The following EEF2K variants were observed in gnomAD, a reference collection of about 807,000 sequenced individuals.
EEF2K encodes the protein alternative protein EEF2K.
A neutral mutation model predicts 93.8 loss-of-function variants in EEF2K; 70 were observed. The ratio of observed to expected loss-of-function variants is 0.75; its 90% confidence interval spans 0.62 to 0.91. EEF2K has a LOEUF of 0.91. EEF2K is among the 40% of genes least tolerant of loss of function. EEF2K has a pLI of 0.00. For missense variants in EEF2K, 935 were observed against 972.9 expected (o/e 0.96, Z 0.52); for synonymous variants, 376 against 380.8 (o/e 0.99, Z 0.15).
At chr16:22,220,737 G>T (rs541040727) in intron 1 of EEF2K, among the ~76,000 whole-genome samples, 1 of 152,172 alleles carries the variant, frequency 6.6e-6, no homozygotes, top group Non-Finnish European at 1.5e-5. Flanking sequence ...GAGCCATCAC[G>T]CCTGGCCCTG....
intron 1 of EEF2K, among the ~76,000 whole-genome samples, chr16:22,215,745 T>C (rs2046951936): frequency 6.6e-6 from 1 of 152,030 alleles, no homozygotes. Context: ...ACCAACATGG[T>C]GAAACCCCGT....
chr16:22,258,496 A>G lies in EEF2K; in HGVS notation c.1032A>G (p.Gln344=), dbSNP rs775206083. 5 of 1,613,862 alleles carry G rather than the reference A, an allele frequency of 3.1e-6. No homozygotes were observed. Among genetic ancestry groups the G allele is most frequent in the Non-Finnish European group, 4.2e-6 (5 of 1,179,994 alleles). Reference sequence around the variant, plus strand: ...AGTATCCCTATTAATGTCCCTAGCAATCAGCCAAGACCATCTTGAGAGGAA... The same window carrying G: ...AGTATCCCTATTAATGTCCCTAGCAGTCAGCCAAGACCATCTTGAGAGGAA... ...DAVNQNTKLL[Q]SAKTILRGTE... is the part of the protein sequence containing the mutation. Residue 344 remains glutamine, a splice_region_variant and synonymous_variant, in exon 10 of 18, where the codon CAA becomes CAG. Transcript: ENST00000263026.
rs775469411 is a variant in EEF2K at position 22,263,122 on chromosome 16, AGTG to A, written c.1314_1316del (p.Ser438_Gly439delinsArg). On this transcript the variant is annotated inframe_deletion, in exon 12 of 18. Coordinates refer to ENST00000263026, the MANE Select transcript of EEF2K (RefSeq NM_013302.5). ...CTTCTCTCCACAGGAGTCTGAGAAT[AGTG>A]GGGACAGCGGATACCCCAGTGAGAA... The A allele has an allele frequency of 6.2e-7, 1 of 1,612,118 alleles. No homozygotes were observed. Among genetic ancestry groups the A allele is most frequent in the Admixed American group, 1.7e-5 (1 of 59,838 alleles).
chr16:22,220,373 G>C (rs1052847282), intron 1 of EEF2K, among the ~76,000 whole-genome samples: 5 of 152,166 alleles, frequency 3.3e-5, no homozygotes, highest in African/African-American at 9.7e-5. Flanking sequence ...TGAGGGAGTC[G>C]GCTCCGTGAA....
At chr16:22,257,980 G>A (rs949911211) in intron 9 of EEF2K, among the ~76,000 whole-genome samples, 1 of 152,188 alleles carries the variant, frequency 6.6e-6, no homozygotes, top group African/African-American at 2.4e-5. Context: ...TCGAGCAGCT[G>A]GTATCTGCTT....
intron 1 of EEF2K, among the ~76,000 whole-genome samples, chr16:22,221,823 A>G (rs2047014888): frequency 6.6e-6 from 1 of 152,104 alleles, no homozygotes. Context: ...TAATTCTAGC[A>G]CTTTGGGAGG....
In EEF2K at chr16:22,261,372, C is replaced by CA. The variant is rs571599677; in HGVS notation, c.1299+852dup. Among the ~76,000 whole-genome samples, 50 of 147,908 alleles carry CA rather than the reference C, an allele frequency of 3.4e-4. 1 individual carries two copies. In the South Asian group the frequency reaches 8.1e-3, roughly 24 times the overall value. ...CCTGGGTGACAGCGAGATCTTGTCTCAAAAAAAAAGAAAAAACAAATACCT... is the reference window on the plus strand; with the variant it reads ...CCTGGGTGACAGCGAGATCTTGTCTCAAAAAAAAAAGAAAAAACAAATACCT... On this transcript the variant is annotated intron_variant, in intron 11 of 17. Transcript: ENST00000263026.
At chr16:22,226,517 C>CTTCTTTTTTTTTTTTTT (rs1555469266) in intron 2 of EEF2K, among the ~76,000 whole-genome samples, 36 of 106,870 alleles carry the variant, frequency 3.4e-4, no homozygotes, top group East Asian at 1.0e-3. Flanking sequence ...CCTTCTTCTT[C>CTTCTTTTTTTTTTTTTT]TTTTTTTTTT....
intron 14 of EEF2K, 58 bp from the exon 15 acceptor site, chr16:22,266,630 C>G (rs2047522403): frequency 3.2e-6 from 5 of 1,586,890 alleles, no homozygotes; most frequent in Non-Finnish European, 4.3e-6. Context: ...GCTGGGCGGT[C>G]TTGGGTGCGG....
chr16:22,211,416 C>A (rs1016500920), intron 1 of EEF2K, among the ~76,000 whole-genome samples: 19 of 152,132 alleles, frequency 1.2e-4, no homozygotes, highest in African/African-American at 4.1e-4. Context: ...TATGTAGTTA[C>A]AACACAGTAG....
At chr16:22,275,954 A>C (rs913602049) in intron 16 of EEF2K, among the ~76,000 whole-genome samples, 1 of 147,032 alleles carries the variant, frequency 6.8e-6, no homozygotes, top group African/African-American at 2.5e-5. Context: ...TTTTTTATCT[A>C]TTTATTTATT....
chr16:22,281,896 A>T (rs778852930), intron 17 of EEF2K, among the ~76,000 whole-genome samples: 13 of 152,138 alleles, frequency 8.5e-5, no homozygotes, highest in Non-Finnish European at 1.3e-4. Flanking sequence ...TTATATATAT[A>T]TTTTTTCTGT....
chr16:22,225,670 T>G lies in EEF2K; in HGVS notation c.-60T>G. The G allele has an allele frequency of 3.8e-6, 6 of 1,588,344 alleles. No individual in the cohort carries two copies. Among genetic ancestry groups the G allele is most frequent in the Non-Finnish European group, 5.1e-6 (6 of 1,166,612 alleles). ...TCCTTGTAGGACCTTCGCCTCTGCA[T>G]TTGTCCAGTAACTCTGGCTGTGCCG... On this transcript the variant is annotated 5_prime_UTR_variant, in exon 2 of 18. Coordinates refer to ENST00000263026, the MANE Select transcript of EEF2K (RefSeq NM_013302.5).
intron 17 of EEF2K, among the ~76,000 whole-genome samples, chr16:22,280,883 G>A (rs1260627175): frequency 2.0e-5 from 3 of 152,026 alleles, no homozygotes; most frequent in Non-Finnish European, 2.9e-5. Context: ...GGCTGGTCTC[G>A]AACTCCTGAC....
intron 3 of EEF2K, among the ~76,000 whole-genome samples, chr16:22,248,095 C>T (rs779041563): frequency 2.6e-5 from 4 of 151,886 alleles, no homozygotes; most frequent in African/African-American, 7.3e-5. Context: ...GACAGAGTCT[C>T]GCTCTGTCAC....
Position 22,285,741 on chromosome 16 carries a change from TAAA to T in EEF2K, c.*1749_*1751del, listed in dbSNP as rs1050845759. On this transcript the variant is annotated 3_prime_UTR_variant, in exon 18 of 18. Coordinates refer to ENST00000263026, the MANE Select transcript of EEF2K (RefSeq NM_013302.5). Reference sequence around the variant, plus strand: ...TTTTCTTTGTTTAAAAGTCAAAACATAAAAAAGCAGAGTATAACATACAAACCA... The same window carrying T: ...TTTTCTTTGTTTAAAAGTCAAAACATAAAGCAGAGTATAACATACAAACCA... The T allele has an allele frequency of 6.6e-6, 1 of 152,536 alleles. No individual in the cohort carries two copies. The highest frequency in any genetic ancestry group is 1.5e-5 in the Non-Finnish European group (1 of 68,024). The allele number at this position is 152,536 out of a possible 1,614,324, so 9.4% of individuals were successfully genotyped here.
In EEF2K at chr16:22,258,580, G is replaced by C. The variant is rs1260740980; in HGVS notation, c.1116G>C (p.Leu372=). 2.5e-5 allele frequency: 40 copies of C among 1,613,990 alleles called. No individual in the cohort carries two copies. The highest frequency in any genetic ancestry group is 3.1e-5 in the Non-Finnish European group (37 of 1,180,020). The change falls in exon 10 of 18, where the codon CTG becomes CTC. Residue 372 remains leucine (L), a synonymous_variant. Transcript: ENST00000263026. ...CCCTCTCTGGGAGCCGGCCACCCCTGCTCCGTCCCCTTTCAGAGAACTCTG... is the reference window on the plus strand; with the variant it reads ...CCCTCTCTGGGAGCCGGCCACCCCTCCTCCGTCCCCTTTCAGAGAACTCTG... ...VRTLSGSRPP[L]LRPLSENSGD... is the part of the protein sequence containing the mutation.
intron 2 of EEF2K, among the ~76,000 whole-genome samples, chr16:22,228,947 C>T (rs1282059920): frequency 6.6e-6 from 1 of 152,110 alleles, no homozygotes; most frequent in Non-Finnish European, 1.5e-5. Flanking sequence ...TTAACTATTA[C>T]TTATGTTTAT....
In EEF2K at chr16:22,228,202, T is replaced by G. The variant is rs192777804; in HGVS notation, c.246+2227T>G. On this transcript the variant is annotated intron_variant, in intron 2 of 17. Transcript: ENST00000263026. ...TTATAGGTGCTTAATAAGTGTTATT[T>G]CCCTCTCTGTTGCCACATTCCAGGA... is the stretch of plus-strand genomic sequence containing the variant. 2.3e-4 allele frequency among the ~76,000 whole-genome samples: 35 copies of G among 152,186 alleles called. 1 individual carries two copies. Among genetic ancestry groups the G allele is most frequent in the African/African-American group, 7.0e-4 (29 of 41,544 alleles).
Sources: allele counts gnomAD v4.1 joint callset (sites outside exome capture counted in the v4.1 genomes callset), GRCh38; gene constraint gnomAD v4.1.1; transcripts MANE v1.5; gene names NCBI Gene and HGNC (gene_info 2026-07-23, HGNC 2026-07-21).